NAALADL1: variants seen among roughly 807,000 people sequenced by gnomAD.
NAALADL1 encodes aminopeptidase NAALADL1.
NAALADL1 carries 77 observed loss-of-function variants against 82.8 expected under a neutral mutation model. That is an observed-to-expected ratio of 0.93 (90% CI 0.77 to 1.12). The LOEUF (loss-of-function observed/expected upper bound fraction) is 1.12. Among genes scored for constraint, NAALADL1 ranks in the 50% most tolerant of loss-of-function variants. The probability of loss-of-function intolerance (pLI) is 0.00; values close to 1 mark genes in which losing one functional copy is unlikely to be tolerated. For missense variants in NAALADL1, 956 were observed against 964.0 expected (o/e 0.99, Z 0.11); for synonymous variants, 358 against 399.2 (o/e 0.90, Z 1.23).
Position 65,057,862 on chromosome 11 carries a change from G to T in NAALADL1, c.480+13C>A, listed in dbSNP as rs753520885. The stretch of plus-strand genomic sequence containing the variant: ...GAGCTGGGCCAGAGCAGTAGGGGGG[G>T]TTCTGGGCCCACCTGTGGGGTTCCA... On this transcript the variant is annotated intron_variant, in intron 3 of 17. Transcript: ENST00000358658. 3.1e-6 allele frequency: 5 copies of T among 1,613,210 alleles called. No individual in the cohort carries two copies. In the Admixed American group the frequency reaches 8.3e-5, roughly 27 times the overall value.
At chr11:65,048,440 C>T in intron 8 of NAALADL1, 55 bp from the exon 9 acceptor site, 3 of 1,601,826 alleles carry the variant, frequency 1.9e-6, no homozygotes, top group East Asian at 2.2e-5. Flanking sequence ...CCTAGGGTGC[C>T]TTAGGAGAAA....
chr11:65,056,063 T>G (rs1296686340), intron 4 of NAALADL1, among the ~76,000 whole-genome samples: 1 of 152,068 alleles, frequency 6.6e-6, no homozygotes, highest in Non-Finnish European at 1.5e-5. Context: ...TTTTGTATTT[T>G]TAGTAGAGAC....
chr11:65,054,180 C>T lies in NAALADL1; in HGVS notation c.992+70G>A. The T allele has an allele frequency of 7.5e-7, 1 of 1,342,172 alleles. No individual in the cohort carries two copies. Among genetic ancestry groups the T allele is most frequent in the Non-Finnish European group, 1.1e-6 (1 of 949,678 alleles). 83.1% of individuals were successfully genotyped at this position (1,342,172 alleles called of 1,614,324 possible). On this transcript the variant is annotated intron_variant, in intron 6 of 17. Coordinates refer to ENST00000358658, the MANE Select transcript of NAALADL1 (RefSeq NM_005468.3). This position sits in a 1 kb window ranked among gnomAD's most constrained non-coding sequence, Gnocchi z 4.3. ...TTGAAGTGGAAAGAGGGAACATCAT[C>T]ACAAGGGAAGGGGAGAGGCGAGTTG...
upstream of NAALADL1, among the ~76,000 whole-genome samples, chr11:65,060,124 G>A (rs898257496): frequency 1.4e-4 from 20 of 138,872 alleles, no homozygotes; most frequent in African/African-American, 2.6e-4. Context: ...AGGGCAGAGC[G>A]TGTGTGTGTG....
chr11:65,054,398 G>A lies in NAALADL1; in HGVS notation c.888-44C>T. The stretch of plus-strand genomic sequence containing the variant: ...CCCTTCAGGGTAAATGTGAGTGTGG[G>A]GCTTGAAGTCTGGAGGCCACTGGGG... On this transcript the variant is annotated intron_variant, in intron 5 of 17. Coordinates refer to ENST00000358658, the MANE Select transcript of NAALADL1 (RefSeq NM_005468.3). The surrounding 1 kb of genome is among the most constrained non-coding windows in gnomAD (Gnocchi z 4.3). The A allele has an allele frequency of 6.2e-7, 1 of 1,612,502 alleles. No individual in the cohort carries two copies. The highest frequency in any genetic ancestry group is 8.5e-7 in the Non-Finnish European group (1 of 1,178,734).
upstream of NAALADL1, chr11:65,058,559 ATAGGTTATTCCCTATAG>A (rs1565251327): frequency 6.6e-7 from 1 of 1,522,932 alleles, no homozygotes; most frequent in East Asian, 2.3e-5. Context: ...GGACTGGTCT[ATAGGTTATTCCCTATAG>A]AGGGGGTGTT....
rs1946993532 is a variant in NAALADL1, at chr11:65,054,781, A to C, written c.604-43T>G. 6.3e-7 allele frequency: 1 copy of C among 1,593,822 alleles called. No individual in the cohort carries two copies. The highest frequency in any genetic ancestry group is 1.7e-5 in the Admixed American group (1 of 59,274). ...GGCTGTGTGTAAGGGAGGGACCGGG[A>C]CCAGATATGTCCTATTCCTCTTCCT... On this transcript the variant is annotated intron_variant, in intron 4 of 17. Coordinates refer to ENST00000358658, the MANE Select transcript of NAALADL1 (RefSeq NM_005468.3). This position sits in a 1 kb window ranked among gnomAD's most constrained non-coding sequence, Gnocchi z 4.3.
chr11:65,060,402 C>T (rs1164156217), upstream of NAALADL1, among the ~76,000 whole-genome samples: 2 of 152,054 alleles, frequency 1.3e-5, no homozygotes, highest in African/African-American at 2.4e-5. Context: ...AGAAGCCCAT[C>T]GGTGCAGGGA....
chr11:65,053,739 C>T lies in NAALADL1; in HGVS notation c.993-163G>A, dbSNP rs1946957476. ...CAAGGCTGGAGCCAGGCTCTCCTGC[C>T]TACTCGCTGGGTAGGTACTTATTGG... is the stretch of plus-strand genomic sequence containing the variant. On this transcript the variant is annotated intron_variant, in intron 6 of 17. Coordinates refer to ENST00000358658, the MANE Select transcript of NAALADL1 (RefSeq NM_005468.3). The surrounding 1 kb of genome is among the most constrained non-coding windows in gnomAD (Gnocchi z 4.3). 6.6e-6 allele frequency among the ~76,000 whole-genome samples: 1 copy of T among 152,222 alleles called. No homozygotes were observed. Among genetic ancestry groups the T allele is most frequent in the African/African-American group, 2.4e-5 (1 of 41,454 alleles).
rs142268835 is a variant in NAALADL1 at position 65,058,350 on chromosome 11, G to A, written c.172C>T (p.Arg58Trp). ...CCCACTTCTCACCTGAGGTTCTCCCGGATCCTGTGGGCATCCAGCTGCCCC... is the reference window on the plus strand; with the variant it reads ...CCCACTTCTCACCTGAGGTTCTCCCAGATCCTGTGGGCATCCAGCTGCCCC... ...VMGQLDAHRI[R>W]ENLRELSREP... The change falls in exon 1 of 18, where the codon CGG becomes TGG. Residue 58 changes from arginine (R) to tryptophan (W), a missense_variant. By Grantham distance (101) the Arg-to-Trp change is moderately radical. Coordinates refer to ENST00000358658, the MANE Select transcript of NAALADL1 (RefSeq NM_005468.3). The A allele has an allele frequency of 8.1e-6, 13 of 1,614,022 alleles. No homozygotes were observed. Among genetic ancestry groups the A allele is most frequent in the African/African-American group, 6.7e-5 (5 of 74,920 alleles).
Position 65,046,445 on chromosome 11 carries a change from C to A in NAALADL1, c.1681G>T (p.Gly561Cys), listed in dbSNP as rs980004765. The change falls in exon 14 of 18, where the codon GGC becomes TGC. Residue 561 changes from glycine (G) to cysteine (C), a missense_variant and splice_region_variant. Coordinates refer to ENST00000358658, the MANE Select transcript of NAALADL1 (RefSeq NM_005468.3). Reference sequence around the variant, plus strand: ...GGATGCCCCTTGTCTCCCTCCTCACCCGGGTCCAAAAACTTGTCCACATAG... The same window carrying A: ...GGATGCCCCTTGTCTCCCTCCTCACACGGGTCCAAAAACTTGTCCACATAG... Reference protein sequence around the residue: ...FDYVDKFLDPGFSSHQAVART... With the variant: ...FDYVDKFLDPCFSSHQAVART... The A allele has an allele frequency of 6.2e-7, 1 of 1,614,078 alleles. No homozygotes were observed. Among genetic ancestry groups the A allele is most frequent in the African/African-American group, 1.3e-5 (1 of 74,912 alleles).
chr11:65,048,682 A>G (rs1238611298), intron 8 of NAALADL1, among the ~76,000 whole-genome samples: 1 of 152,154 alleles, frequency 6.6e-6, no homozygotes. Flanking sequence ...CCCCGCCTCC[A>G]GGCCAAACTC....
Position 65,058,152 on chromosome 11 carries a change from T to C in NAALADL1, c.284A>G (p.Asp95Gly). The C allele has an allele frequency of 4.3e-6, 7 of 1,613,916 alleles. No individual in the cohort carries two copies. Among genetic ancestry groups the C allele is most frequent in the African/African-American group, 1.3e-5 (1 of 75,014 alleles). Residue 95 changes from aspartate to glycine, a missense_variant, in exon 2 of 18, where the codon GAC becomes GGC. By Grantham distance (94) the Asp-to-Gly change is moderately conservative. Coordinates refer to ENST00000358658, the MANE Select transcript of NAALADL1 (RefSeq NM_005468.3). ...TTCGTACGTGGAGGCCTCGGCCGAG[T>C]CCAGGCCTGACTCTGGGTCCTTCCA... Reference protein sequence around the residue: ...QRWKDPESGLDSAEASTYEVL... With the variant: ...QRWKDPESGLGSAEASTYEVL...
At chr11:65,050,426 CGAGA>C (rs1946855449) in intron 8 of NAALADL1, among the ~76,000 whole-genome samples, 1 of 150,284 alleles carries the variant, frequency 6.7e-6, no homozygotes, top group Non-Finnish European at 1.5e-5. Context: ...TGCAGTGAGC[CGAGA>C]TGGCGCCACT....
At position 65,046,206 on chromosome 11, in the gene NAALADL1, T is replaced by G. The variant is rs1946720527; in HGVS notation, c.1838A>C (p.Gln613Pro). ...AQQDLGALLE[Q>P]HSISLGPLVT... ...GTGCATACCCAGGCTGATGCTGTGC[T>G]GCTCCAGCAGGGCCCCAAGATCTTG... is the stretch of plus-strand genomic sequence containing the variant. Residue 613 changes from glutamine to proline, a missense_variant, in exon 15 of 18, where the codon CAG becomes CCG. Physicochemically the swap from Gln to Pro is moderately conservative, Grantham distance 76. Transcript: ENST00000358658. The G allele has an allele frequency of 1.2e-6, 2 of 1,614,172 alleles. No individual in the cohort carries two copies. Among genetic ancestry groups the G allele is most frequent in the Non-Finnish European group, 1.7e-6 (2 of 1,180,030 alleles).
Position 65,046,015 on chromosome 11 carries a change from G to C in NAALADL1, c.1943+12C>G, listed in dbSNP as rs748268793. 1.9e-6 allele frequency: 3 copies of C among 1,613,214 alleles called. No homozygotes were observed. The highest frequency in any genetic ancestry group is 2.2e-5 in the South Asian group (2 of 90,972). On this transcript the variant is annotated intron_variant, in intron 16 of 17. Transcript: ENST00000358658. The stretch of plus-strand genomic sequence containing the variant: ...GCTGCCCTCCCAGCCCCTGCCCGCT[G>C]CCCTTGCTCACTCAGGGCTGCCCTT...
upstream of NAALADL1, among the ~76,000 whole-genome samples, chr11:65,061,170 C>G (rs1464098630): frequency 6.6e-6 from 1 of 152,194 alleles, no homozygotes; most frequent in East Asian, 1.9e-4. Flanking sequence ...ACGTGGCCTC[C>G]CGGACACCAT....
upstream of NAALADL1, among the ~76,000 whole-genome samples, chr11:65,060,326 C>T (rs1038008861): frequency 2.0e-5 from 3 of 152,066 alleles, no homozygotes; most frequent in African/African-American, 7.2e-5. Context: ...CAGGGAGGTG[C>T]ACCAGGAAGC....
At chr11:65,056,273 GT>G (rs1316958192) in intron 4 of NAALADL1, among the ~76,000 whole-genome samples, 2 of 152,124 alleles carry the variant, frequency 1.3e-5, no homozygotes, top group Admixed American at 1.3e-4. Context: ...CATCCATATT[GT>G]GCAACATCAC....
Sources: allele counts gnomAD v4.1 joint callset (sites outside exome capture counted in the v4.1 genomes callset), GRCh38; gene constraint gnomAD v4.1.1; non-coding constraint Gnocchi (gnomAD v3.1); transcripts MANE v1.5; gene names NCBI Gene and HGNC (gene_info 2026-07-23, HGNC 2026-07-21).